The following GULP1 variants were observed in gnomAD, a reference collection of about 807,000 sequenced individuals.
GULP1 encodes the protein PTB domain-containing engulfment adapter protein 1.
In GULP1, 19 loss-of-function variants were observed where a neutral mutation model predicts 40.9. The observed-to-expected ratio is 0.46, with a 90% CI of 0.32 to 0.68. GULP1 has a LOEUF of 0.68. GULP1 is among the 30% of genes least tolerant of loss of function. GULP1 has a pLI of 0.03. For missense variants in GULP1, 312 were observed against 362.2 expected (o/e 0.86, Z 1.12); for synonymous variants, 119 against 117.6 (o/e 1.01, Z -0.08).
At chr2:188,590,505 C>G (rs1307137842) in intron 11 of GULP1, 1 of 152,108 alleles carries the variant, frequency 6.6e-6, no homozygotes, top group Non-Finnish European at 1.5e-5. Context: ...TAGTTTTCAT[C>G]TTTCATTTAC....
chr2:188,478,034 T>G (rs2061158952), intron 3 of GULP1, among the ~76,000 whole-genome samples: 1 of 152,098 alleles, frequency 6.6e-6, no homozygotes, highest in African/African-American at 2.4e-5. Context: ...GTCCTAACTT[T>G]AGCTTATGTA....
chr2:188,507,215 A>G (rs774149108), intron 4 of GULP1, among the ~76,000 whole-genome samples: 1 of 151,840 alleles, frequency 6.6e-6, no homozygotes, highest in Non-Finnish European at 1.5e-5. Context: ...AATGCTATCT[A>G]TCTTCAAATA....
At chr2:188,570,175 G>A in intron 9 of GULP1, 55 bp downstream of exon 9, 1 of 741,746 alleles carries the variant, frequency 1.3e-6, no homozygotes, top group Non-Finnish European at 2.3e-6. Context: ...AAACATCTGT[G>A]TATCACTAGT....
intron 2 of GULP1, among the ~76,000 whole-genome samples, chr2:188,401,346 A>C (rs2052264605): frequency 6.6e-6 from 1 of 152,176 alleles, no homozygotes; most frequent in African/African-American, 2.4e-5. Context: ...TTTTAATAAT[A>C]AACACTATAA....
chr2:188,516,286 C>T (rs887781702), intron 4 of GULP1, among the ~76,000 whole-genome samples: 1 of 152,136 alleles, frequency 6.6e-6, no homozygotes, highest in Admixed American at 6.6e-5. Context: ...TCAAAATTAT[C>T]ATTTCCCTCA....
At chr2:188,502,565 C>A (rs2063532750) in intron 4 of GULP1, among the ~76,000 whole-genome samples, 1 of 151,814 alleles carries the variant, frequency 6.6e-6, no homozygotes, top group South Asian at 2.1e-4. Context: ...TTTCCTGAGA[C>A]CTCCTATTTC....
intron 1 of GULP1, among the ~76,000 whole-genome samples, chr2:188,317,626 C>T (rs756764416): frequency 1.3e-5 from 2 of 151,772 alleles, no homozygotes; most frequent in East Asian, 3.9e-4. Context: ...TCAGAGTATA[C>T]GTGTTTTTGT....
intron 11 of GULP1, chr2:188,591,676 A>G (rs1312127289): frequency 6.6e-6 from 1 of 151,748 alleles, no homozygotes; most frequent in Non-Finnish European, 1.5e-5. Context: ...TATATGTAAT[A>G]TATTACTTAC....
chr2:188,585,548 G>A (rs990291474), intron 10 of GULP1, among the ~76,000 whole-genome samples: 1 of 152,140 alleles, frequency 6.6e-6, no homozygotes, highest in Non-Finnish European at 1.5e-5. Flanking sequence ...GCACCTGCAG[G>A]CCCAACACCA....
At chr2:188,405,123 G>A (rs539655983) in intron 2 of GULP1, among the ~76,000 whole-genome samples, 4 of 152,208 alleles carry the variant, frequency 2.6e-5, no homozygotes, top group African/African-American at 4.8e-5. Context: ...GCTCCCATGC[G>A]AGGTTTCAGA....
intron 4 of GULP1, among the ~76,000 whole-genome samples, chr2:188,521,146 AT>A (rs988810617): frequency 1.6e-4 from 25 of 152,112 alleles, no homozygotes; most frequent in Admixed American, 1.4e-3. Context: ...GCAAAAAAAA[AT>A]CTTTGGAAAA....
At chr2:188,318,095 T>C (rs1301479688) in intron 1 of GULP1, among the ~76,000 whole-genome samples, 1 of 149,762 alleles carries the variant, frequency 6.7e-6, no homozygotes, top group Non-Finnish European at 1.5e-5. Flanking sequence ...TAATTAATTT[T>C]TGCTCCATAA....
chr2:188,357,551 A>G (rs2045509856), intron 1 of GULP1, among the ~76,000 whole-genome samples: 1 of 152,110 alleles, frequency 6.6e-6, no homozygotes, highest in Non-Finnish European at 1.5e-5. Context: ...AAAATAACAA[A>G]TACTAGTGAG....
At chr2:188,591,993 A>G (rs998755008) in intron 11 of GULP1, 3 of 151,922 alleles carry the variant, frequency 2.0e-5, no homozygotes, top group African/African-American at 7.2e-5. Flanking sequence ...GGGAAATTTT[A>G]TCTGAGGAAG....
chr2:188,506,506 A>G (rs1226785709), intron 4 of GULP1, among the ~76,000 whole-genome samples: 1 of 152,006 alleles, frequency 6.6e-6, no homozygotes, highest in African/African-American at 2.4e-5. Flanking sequence ...AGACAAGTCT[A>G]TTAAATACTA....
chr2:188,587,639 T>C (rs537259729), intron 10 of GULP1, among the ~76,000 whole-genome samples: 2 of 152,290 alleles, frequency 1.3e-5, no homozygotes, highest in East Asian at 3.9e-4. Flanking sequence ...AATAATTCTT[T>C]ATAATAAAAC....
chr2:188,305,059 G>T (rs1320712985), intron 1 of GULP1, among the ~76,000 whole-genome samples: 1 of 152,016 alleles, frequency 6.6e-6, no homozygotes, highest in African/African-American at 2.4e-5. Context: ...TGGAAGTCCG[G>T]GCCTCTGTAA....
chr2:188,352,970 G>T (rs946823425), intron 1 of GULP1, among the ~76,000 whole-genome samples: 1 of 152,006 alleles, frequency 6.6e-6, no homozygotes, highest in Non-Finnish European at 1.5e-5. Flanking sequence ...ATTAAATAAA[G>T]TCATTTTCCC....
chr2:188,334,791 A>G (rs1337708080), intron 1 of GULP1, among the ~76,000 whole-genome samples: 2 of 152,250 alleles, frequency 1.3e-5, no homozygotes, highest in Non-Finnish European at 2.9e-5. Context: ...TTAGGGGAAT[A>G]AAAGATCATA....
Sources: gnomAD v4.1 joint callset for allele counts (sites outside exome capture counted in the v4.1 genomes callset) on GRCh38, gnomAD v4.1.1 for gene constraint, MANE v1.5 for transcripts, NCBI Gene and HGNC (gene_info 2026-07-23, HGNC 2026-07-21) for gene names.